Variants in PCDH15 observed in about 807,000 individuals in gnomAD.
PCDH15 encodes protocadherin related 15, also known as protocadherin-15.
In PCDH15, 129 loss-of-function variants were observed where a neutral mutation model predicts 178.5. That is an observed-to-expected ratio of 0.72 (90% CI 0.63 to 0.84). The LOEUF is 0.84. PCDH15 is among the 40% of genes least tolerant of loss of function. PCDH15 has a pLI of 0.00. For synonymous variants in PCDH15, 800 were observed against 732.0 expected, an observed-to-expected ratio of 1.09 and a Z score of -1.50; for missense variants, 2,230 against 2,099.9, an observed-to-expected ratio of 1.06 and a Z score of -1.21.
chr10:54,771,474 C>G (rs889421664), intron 1 of PCDH15, among the ~76,000 whole-genome samples: 3 of 151,982 alleles, frequency 2.0e-5, no homozygotes, highest in African/African-American at 7.2e-5. Flanking sequence ...TATCATAAGA[C>G]AAATCACTCT....
At chr10:54,353,471 C>T (rs72801253) in intron 5 of PCDH15, among the ~76,000 whole-genome samples, 18,451 of 151,996 alleles carry the variant, frequency 0.12, 1,195 homozygotes, top group Middle Eastern at 0.2. Flanking sequence ...ATGTAATGAA[C>T]ACCTACACAA....
intron 3 of PCDH15, among the ~76,000 whole-genome samples, chr10:54,806,730 C>T (rs1456066349): frequency 1.3e-5 from 2 of 152,074 alleles, no homozygotes; most frequent in Admixed American, 1.3e-4. Context: ...GTGATCCACC[C>T]GCCTTGGCCT....
chr10:53,805,878 T>C lies in PCDH15; in HGVS notation c.*701A>G, dbSNP rs1431081830. 6.6e-6 allele frequency: 1 copy of C among 152,082 alleles called. No homozygotes were observed. The highest frequency in any genetic ancestry group is 2.4e-5 in the African/African-American group (1 of 41,430). 9.4% of individuals were successfully genotyped at this position (152,082 alleles called of 1,614,324 possible). ...TTAAACTAAACTAAAGTATCTACCA[T>C]ATTTGATATGAGATGAAGGGACAAG... On this transcript the variant is annotated 3_prime_UTR_variant, in exon 38 of 38. Coordinates refer to ENST00000644397, the MANE Select transcript of PCDH15 (RefSeq NM_001384140.1).
chr10:54,483,509 T>C (rs1416087055), intron 3 of PCDH15, among the ~76,000 whole-genome samples: 2 of 151,890 alleles, frequency 1.3e-5, no homozygotes, highest in Admixed American at 1.3e-4. Context: ...CATTCTCTTG[T>C]AATTTCTTTT....
intron 1 of PCDH15, among the ~76,000 whole-genome samples, chr10:55,302,175 T>C (rs1470110922): frequency 2.6e-5 from 4 of 152,144 alleles, no homozygotes; most frequent in Non-Finnish European, 4.4e-5. Context: ...TGTATGCCAA[T>C]GTAGACAGAA....
intron 5 of PCDH15, among the ~76,000 whole-genome samples, chr10:54,366,530 C>T (rs1318451345): frequency 6.6e-6 from 1 of 151,898 alleles, no homozygotes; most frequent in Non-Finnish European, 1.5e-5. Context: ...TTTAATGTAT[C>T]TTCCTAATAC....
At chr10:54,878,351 T>C (rs1954192336) in intron 3 of PCDH15, among the ~76,000 whole-genome samples, 1 of 152,196 alleles carries the variant, frequency 6.6e-6, no homozygotes, top group South Asian at 2.1e-4. Context: ...CTTTGTTTCC[T>C]TGTCATGTGT....
intron 21 of PCDH15, among the ~76,000 whole-genome samples, chr10:53,984,122 C>CTTTTTT (rs57184119): frequency 2.7e-4 from 30 of 112,624 alleles, no homozygotes; most frequent in South Asian, 1.1e-3. Flanking sequence ...AAGTGCTTTT[C>CTTTTTT]TTTTTTTTTT....
chr10:55,414,519 A>G (rs1438647333), intron 2 of PCDH15, among the ~76,000 whole-genome samples: 1 of 151,670 alleles, frequency 6.6e-6, no homozygotes, highest in Non-Finnish European at 1.5e-5. Flanking sequence ...ATGAACACAG[A>G]ATACGTTTTT....
At chr10:54,395,644 A>G (rs1246111487) in intron 3 of PCDH15, among the ~76,000 whole-genome samples, 1 of 150,898 alleles carries the variant, frequency 6.6e-6, no homozygotes, top group Non-Finnish European at 1.5e-5. Context: ...GTTTATACAC[A>G]CACAAACATG....
At chr10:54,898,595 T>G (rs548564792) in intron 2 of PCDH15, among the ~76,000 whole-genome samples, 2 of 152,258 alleles carry the variant, frequency 1.3e-5, no homozygotes, top group African/African-American at 4.8e-5. Context: ...AATACCTAGT[T>G]AAGTACTTAC....
At chr10:54,509,683 G>T (rs1367624014) in intron 3 of PCDH15, among the ~76,000 whole-genome samples, 1 of 151,968 alleles carries the variant, frequency 6.6e-6, no homozygotes, top group Admixed American at 6.6e-5. Context: ...ACACTTTCTT[G>T]GTTCCTCCGG....
intron 1 of PCDH15, among the ~76,000 whole-genome samples, chr10:55,190,192 C>A: frequency 6.6e-6 from 1 of 151,000 alleles, no homozygotes; most frequent in East Asian, 2.0e-4. Flanking sequence ...CAAGAACAGA[C>A]AAAACTAATT....
intron 2 of PCDH15, among the ~76,000 whole-genome samples, chr10:55,457,693 C>G (rs997240051): frequency 6.6e-6 from 1 of 151,982 alleles, no homozygotes; most frequent in African/African-American, 2.4e-5. Context: ...CGACGGCTTC[C>G]TTTTATATGC....
At chr10:54,129,838 A>G (rs938421657) in intron 15 of PCDH15, among the ~76,000 whole-genome samples, 2 of 152,272 alleles carry the variant, frequency 1.3e-5, no homozygotes, top group East Asian at 1.9e-4. Flanking sequence ...CTGCATATAA[A>G]TGGATCTGTG....
At chr10:54,807,166 C>A (rs1209866197) in intron 3 of PCDH15, among the ~76,000 whole-genome samples, 2 of 152,032 alleles carry the variant, frequency 1.3e-5, no homozygotes, top group African/African-American at 4.8e-5. Context: ...AGTTAGACAG[C>A]AAATTATATC....
intron 2 of PCDH15, among the ~76,000 whole-genome samples, chr10:55,509,048 C>T (rs1224558656): frequency 6.6e-6 from 1 of 151,596 alleles, no homozygotes; most frequent in African/African-American, 2.4e-5. Flanking sequence ...TGTTAGTAAC[C>T]TTGATGCAAA....
intron 2 of PCDH15, among the ~76,000 whole-genome samples, chr10:54,613,765 A>G (rs1382940168): frequency 6.6e-6 from 1 of 151,848 alleles, no homozygotes; most frequent in Non-Finnish European, 1.5e-5. Flanking sequence ...AACAACAACA[A>G]AAACACACAC....
intron 2 of PCDH15, among the ~76,000 whole-genome samples, chr10:54,548,938 T>TA (rs1167778784): frequency 6.9e-6 from 1 of 144,384 alleles, no homozygotes; most frequent in East Asian, 2.1e-4. Context: ...TATGTATAGT[T>TA]AATGTTTTTC....
Sources: gnomAD v4.1 joint callset for allele counts (sites outside exome capture counted in the v4.1 genomes callset) on GRCh38, gnomAD v4.1.1 for gene constraint, MANE v1.5 for transcripts, NCBI Gene and HGNC (gene_info 2026-07-23, HGNC 2026-07-21) for gene names.